The following ATP8B4 variants were observed in gnomAD, a reference collection of about 807,000 sequenced individuals.
ATP8B4 encodes the protein ATPase phospholipid transporting 8B4 (putative), also known as probable phospholipid-transporting ATPase IM.
Under a neutral mutation model 145.6 loss-of-function variants are expected in ATP8B4, and 133 were observed. The ratio of observed to expected loss-of-function variants is 0.91; its 90% CI spans 0.79 to 1.05. The LOEUF (loss-of-function observed/expected upper bound fraction) is 1.05. ATP8B4 is among the 50% of genes least tolerant of loss of function. ATP8B4 has a pLI of 0.00. For synonymous variants in ATP8B4, 507 were observed against 492.9 expected, an observed-to-expected ratio of 1.03 and a Z score of -0.38; for missense variants, 1,458 against 1,425.2, an observed-to-expected ratio of 1.02 and a Z score of -0.37.
Position 49,960,903 on chromosome 15 carries a change from C to T in ATP8B4, c.1287+1074G>A, listed in dbSNP as rs576093542. Among the ~76,000 whole-genome samples, 68 of 152,178 alleles carry T rather than the reference C, an allele frequency of 4.5e-4. No individual in the cohort carries two copies. In the Middle Eastern group the frequency reaches 0.01, roughly 23 times the overall value. On this transcript the variant is annotated intron_variant, in intron 14 of 27. Transcript: ENST00000284509. ...ATCCCAGCACTTTGGGAGGCTGAGG[C>T]GGGTGGATCACGAGGTCAGGAGATC...
intron 3 of ATP8B4, among the ~76,000 whole-genome samples, chr15:50,072,990 A>C (rs1285312416): frequency 3.1e-3 from 72 of 23,532 alleles, no homozygotes; most frequent in East Asian, 3.9e-3. Flanking sequence ...CTATATATAT[A>C]TATATATATA....
intron 2 of ATP8B4, among the ~76,000 whole-genome samples, chr15:50,086,553 T>C (rs1386903141): frequency 1.0e-5 from 1 of 100,188 alleles, no homozygotes; most frequent in Non-Finnish European, 1.7e-5. Context: ...AATAAAATAA[T>C]ATAGAGATCT....
chr15:49,871,460 C>G (rs1054774754), intron 25 of ATP8B4, among the ~76,000 whole-genome samples: 1 of 152,172 alleles, frequency 6.6e-6, no homozygotes, highest in Non-Finnish European at 1.5e-5. Context: ...TCTATAAAAG[C>G]AGCCCATAAT....
At chr15:50,112,356 C>T (rs1197609982) in intron 1 of ATP8B4, among the ~76,000 whole-genome samples, 1 of 151,936 alleles carries the variant, frequency 6.6e-6, no homozygotes, top group African/African-American at 2.4e-5. Context: ...CTGAAGTGTC[C>T]CCACCAGGGT....
chr15:50,163,295 G>A (rs908756216), intron 1 of ATP8B4, among the ~76,000 whole-genome samples: 1 of 152,164 alleles, frequency 6.6e-6, no homozygotes, highest in Non-Finnish European at 1.5e-5. Context: ...AAGGCACTTG[G>A]GTATTGTGAT....
chr15:49,961,922 A>G, intron 14 of ATP8B4, 55 bp downstream of exon 14: 1 of 1,427,644 alleles, frequency 7.0e-7, no homozygotes, highest in Non-Finnish European at 9.6e-7. Flanking sequence ...CATTTTCTTA[A>G]AAGTACATAT....
At chr15:49,947,878 G>T (rs538662218) in intron 14 of ATP8B4, among the ~76,000 whole-genome samples, 1 of 134,082 alleles carries the variant, frequency 7.5e-6, no homozygotes, top group African/African-American at 2.8e-5. Context: ...GCAGGGAAAG[G>T]ATAGTCTTTT....
intron 23 of ATP8B4, among the ~76,000 whole-genome samples, chr15:49,891,788 C>T (rs1234703155): frequency 6.6e-6 from 1 of 152,102 alleles, no homozygotes; most frequent in African/African-American, 2.4e-5. Context: ...TCATGTGACT[C>T]ACAGATGAGG....
chr15:50,091,420 T>A (rs1276986006), intron 2 of ATP8B4, among the ~76,000 whole-genome samples: 1 of 152,140 alleles, frequency 6.6e-6, no homozygotes, highest in Non-Finnish European at 1.5e-5. Flanking sequence ...TACTTAAACT[T>A]TTTTTTATAA....
intron 9 of ATP8B4, among the ~76,000 whole-genome samples, chr15:49,987,891 G>A (rs766555626): frequency 2.0e-5 from 3 of 152,142 alleles, no homozygotes; most frequent in Non-Finnish European, 4.4e-5. Context: ...AGCAGTGACT[G>A]TCCTAAAAGT....
intron 1 of ATP8B4, among the ~76,000 whole-genome samples, chr15:50,129,679 A>C (rs1309762792): frequency 1.3e-5 from 2 of 152,324 alleles, no homozygotes; most frequent in Non-Finnish European, 2.9e-5. Context: ...AATGCAGCAC[A>C]AATGCAAAAG....
intron 23 of ATP8B4, chr15:49,883,593 A>G (rs1440276995): frequency 6.6e-6 from 1 of 152,234 alleles, no homozygotes; most frequent in Non-Finnish European, 1.5e-5. Flanking sequence ...CACATAAGGT[A>G]GGTACTATTG....
chr15:49,931,861 G>T (rs889723035), intron 15 of ATP8B4, among the ~76,000 whole-genome samples: 2 of 151,834 alleles, frequency 1.3e-5, no homozygotes, highest in Admixed American at 1.3e-4. Flanking sequence ...ATGCATACAA[G>T]AAATCCCTTG....
At chr15:49,944,808 T>A (rs1329245744) in intron 14 of ATP8B4, among the ~76,000 whole-genome samples, 2 of 152,104 alleles carry the variant, frequency 1.3e-5, no homozygotes, top group Non-Finnish European at 2.9e-5. Flanking sequence ...ATAGATCACA[T>A]GTTAGAGCAC....
At chr15:50,094,463 G>A (rs573887820) in intron 2 of ATP8B4, among the ~76,000 whole-genome samples, 18 of 151,356 alleles carry the variant, frequency 1.2e-4, no homozygotes, top group Non-Finnish European at 2.4e-4. Context: ...AATCCATATA[G>A]CATTTATACA....
chr15:50,170,818 C>T (rs2044661144), intron 1 of ATP8B4, among the ~76,000 whole-genome samples: 1 of 152,142 alleles, frequency 6.6e-6, no homozygotes, highest in Non-Finnish European at 1.5e-5. Flanking sequence ...GGAGACTCAC[C>T]TAACACATAA....
chr15:50,108,215 C>T (rs144671789), intron 1 of ATP8B4, among the ~76,000 whole-genome samples: 156 of 152,264 alleles, frequency 1.0e-3, no homozygotes, highest in African/African-American at 3.5e-3. Flanking sequence ...TCTACTCCCC[C>T]ACCCCAGCCC....
At chr15:49,984,686 C>A (rs1229328792) in intron 10 of ATP8B4, among the ~76,000 whole-genome samples, 2 of 151,856 alleles carry the variant, frequency 1.3e-5, no homozygotes, top group Non-Finnish European at 2.9e-5. Context: ...CCTAGGGATC[C>A]CCGAGACAAA....
chr15:49,971,431 A>G (rs2045119509), intron 13 of ATP8B4, among the ~76,000 whole-genome samples: 1 of 152,106 alleles, frequency 6.6e-6, no homozygotes, highest in Non-Finnish European at 1.5e-5. Flanking sequence ...CAAGATAAAA[A>G]CAAACAACCC....
Sources: allele counts gnomAD v4.1 joint callset (sites outside exome capture counted in the v4.1 genomes callset), GRCh38; gene constraint gnomAD v4.1.1; transcripts MANE v1.5; gene names NCBI Gene and HGNC (gene_info 2026-07-23, HGNC 2026-07-21).